PBX1: variants seen among roughly 807,000 people sequenced by gnomAD.
PBX1 encodes the protein PBX homeobox 1, also known as pre-B-cell leukemia transcription factor 1.
In PBX1, 6 loss-of-function variants were observed where a neutral mutation model predicts 53.4. The observed-to-expected ratio is 0.11, with a 90% CI of 0.06 to 0.22. The LOEUF is 0.22. Among genes scored for constraint, PBX1 ranks in the 10% least tolerant of loss-of-function variants. PBX1 has a pLI of 1.00. For synonymous variants in PBX1, 204 were observed against 212.3 expected (o/e 0.96, Z 0.34); for missense variants, 251 against 551.4 (o/e 0.46, Z 5.46).
chr1:164,796,675 G>T (rs1251991486), intron 3 of PBX1, among the ~76,000 whole-genome samples: 1 of 152,152 alleles, frequency 6.6e-6, no homozygotes, highest in African/African-American at 2.4e-5. Flanking sequence ...CTTTTGAAAG[G>T]CTTCCCTTTC....
rs374162071 is a variant in PBX1, at chr1:164,588,150, C to T, written c.265+24839C>T. 7.3e-4 allele frequency among the ~76,000 whole-genome samples: 111 copies of T among 152,280 alleles called. 1 individual carries two copies. Among genetic ancestry groups the T allele is most frequent in the African/African-American group, 2.5e-3 (103 of 41,544 alleles). The stretch of plus-strand genomic sequence containing the variant: ...TACCCATCGCAGGGAGCTGAAAAAC[C>T]TCACATCCAGATGCGGTCAGAGAGG... On this transcript the variant is annotated intron_variant, in intron 2 of 8. Coordinates refer to ENST00000420696, the MANE Select transcript of PBX1 (RefSeq NM_002585.4).
chr1:164,612,871 A>G (rs1657027119), intron 2 of PBX1, among the ~76,000 whole-genome samples: 1 of 152,176 alleles, frequency 6.6e-6, no homozygotes, highest in South Asian at 2.1e-4. Context: ...CCTGTTATGA[A>G]TTGGCAGATT....
intron 2 of PBX1, among the ~76,000 whole-genome samples, chr1:164,776,971 GA>G (rs1558001550): frequency 8.8e-5 from 10 of 113,648 alleles, no homozygotes; most frequent in East Asian, 3.4e-4. Context: ...GAGAGAGAGA[GA>G]GAGAGAGGAG....
At chr1:164,610,631 A>T (rs568151773) in intron 2 of PBX1, among the ~76,000 whole-genome samples, 3 of 152,226 alleles carry the variant, frequency 2.0e-5, no homozygotes, top group Non-Finnish European at 1.5e-5. Flanking sequence ...GCTACAAGCG[A>T]TCGGTTCTGT....
intron 2 of PBX1, among the ~76,000 whole-genome samples, chr1:164,749,350 A>T (rs1305301954): frequency 1.3e-5 from 2 of 152,196 alleles, no homozygotes; most frequent in African/African-American, 4.8e-5. Flanking sequence ...CAACTGCTTA[A>T]TATTTCTCAG....
intron 2 of PBX1, among the ~76,000 whole-genome samples, chr1:164,789,322 CA>C (rs1439300603): frequency 6.6e-6 from 1 of 152,158 alleles, no homozygotes; most frequent in Non-Finnish European, 1.5e-5. Flanking sequence ...AAAGATGGAG[CA>C]GAGGCATGAA....
chr1:164,792,837 C>A, intron 3 of PBX1, 99 bp downstream of exon 3: 1 of 890,830 alleles, frequency 1.1e-6, no homozygotes, highest in Non-Finnish European at 1.7e-6. Flanking sequence ...TCACCTTTCC[C>A]AGGTGCTGGC....
intron 2 of PBX1, among the ~76,000 whole-genome samples, chr1:164,776,300 G>A (rs953819728): frequency 6.6e-6 from 1 of 152,098 alleles, no homozygotes; most frequent in African/African-American, 2.4e-5. Context: ...CAGAAACATG[G>A]GTGTTCCTTA....
At chr1:164,568,731 G>T (rs1653612551) in intron 2 of PBX1, among the ~76,000 whole-genome samples, 3 of 152,184 alleles carry the variant, frequency 2.0e-5, no homozygotes, top group Non-Finnish European at 1.5e-5. Context: ...TTTAAGTAAT[G>T]GGGTAATCGA....
rs1160290007 is a variant in PBX1, at chr1:164,614,153, C to T, written c.265+50842C>T. Among the ~76,000 whole-genome samples the T allele has an allele frequency of 3.9e-5, 6 of 152,230 alleles. No individual in the cohort carries two copies. The East Asian group carries it at 9.6e-4, about 24-fold the overall frequency. On this transcript the variant is annotated intron_variant, in intron 2 of 8. Coordinates refer to ENST00000420696, the MANE Select transcript of PBX1 (RefSeq NM_002585.4). ...CCGTTCTTCCTTATGTTGGGACCTT[C>T]GGTGATTGGGTCCTCCTTGTGTGTG...
At chr1:164,717,066 C>T (rs768520977) in intron 2 of PBX1, among the ~76,000 whole-genome samples, 3 of 152,082 alleles carry the variant, frequency 2.0e-5, no homozygotes, top group Admixed American at 2.0e-4. Context: ...AATACACGAA[C>T]GCAGAATGGT....
intron 8 of PBX1, among the ~76,000 whole-genome samples, chr1:164,833,335 T>A (rs963121268): frequency 1.4e-4 from 21 of 152,210 alleles, no homozygotes; most frequent in African/African-American, 4.8e-4. Flanking sequence ...TTTCTTCAGA[T>A]CACAGGTTCC....
chr1:164,777,252 G>A (rs1292841213), intron 2 of PBX1, among the ~76,000 whole-genome samples: 3 of 152,056 alleles, frequency 2.0e-5, no homozygotes, highest in African/African-American at 4.8e-5. Context: ...GCAAAACTCC[G>A]TCTGTACTAA....
intron 2 of PBX1, among the ~76,000 whole-genome samples, chr1:164,597,830 A>G (rs1300294497): frequency 1.3e-5 from 2 of 152,150 alleles, no homozygotes; most frequent in Non-Finnish European, 2.9e-5. Context: ...AATTAAATAA[A>G]TAATTAATTT....
intron 2 of PBX1, among the ~76,000 whole-genome samples, chr1:164,784,263 G>T (rs1465530119): frequency 1.3e-5 from 2 of 152,164 alleles, no homozygotes; most frequent in Non-Finnish European, 2.9e-5. Context: ...TAGGCAAAGG[G>T]GTTTCCCGAG....
At chr1:164,566,695 T>G (rs1237590053) in intron 2 of PBX1, among the ~76,000 whole-genome samples, 1 of 152,206 alleles carries the variant, frequency 6.6e-6, no homozygotes, top group Non-Finnish European at 1.5e-5. Flanking sequence ...TTCCTGATGT[T>G]TTTTATTCCT....
intron 2 of PBX1, among the ~76,000 whole-genome samples, chr1:164,618,717 CT>C (rs1003227742): frequency 6.6e-6 from 1 of 152,134 alleles, no homozygotes; most frequent in African/African-American, 2.4e-5. Context: ...TTAGGAACTC[CT>C]TGGTCTTTTA....
intron 2 of PBX1, among the ~76,000 whole-genome samples, chr1:164,783,771 G>A (rs866608768): frequency 6.6e-6 from 1 of 152,106 alleles, no homozygotes; most frequent in Middle Eastern, 3.4e-3. Context: ...AAGAAAGCTC[G>A]TGCCCATACT....
chr1:164,709,246 G>A (rs1230493919), intron 2 of PBX1, among the ~76,000 whole-genome samples: 1 of 152,118 alleles, frequency 6.6e-6, no homozygotes, highest in Non-Finnish European at 1.5e-5. Flanking sequence ...TAAGAAAGTG[G>A]AAGCTGATCA....
Sources: gnomAD v4.1 joint callset for allele counts (sites outside exome capture counted in the v4.1 genomes callset) on GRCh38, gnomAD v4.1.1 for gene constraint, MANE v1.5 for transcripts, NCBI Gene and HGNC (gene_info 2026-07-23, HGNC 2026-07-21) for gene names.